Variants in TUBGCP2 observed in about 807,000 individuals in gnomAD.
The protein encoded by TUBGCP2 is tubulin gamma complex component 2, also known as gamma-tubulin complex component 2.
A neutral mutation model predicts 92.2 loss-of-function variants in TUBGCP2; 55 were observed. That is an observed-to-expected ratio of 0.60 (90% confidence interval 0.48 to 0.75). The LOEUF is 0.75. Ranked by LOEUF, TUBGCP2 falls within the 30% of genes least tolerant of loss-of-function variation. The pLI is 0.00. For synonymous variants in TUBGCP2, 533 were observed against 505.2 expected (o/e 1.06, Z -0.74); for missense variants, 1,093 against 1,188.9 (o/e 0.92, Z 1.19).
chr10:133,290,457 C>T (rs963483059), intron 8 of TUBGCP2: 2 of 150,190 alleles, frequency 1.3e-5, no homozygotes, highest in African/African-American at 4.9e-5. Flanking sequence ...CATGCCACTG[C>T]ACTCCAGCCT....
intron 4 of TUBGCP2, 50 bp downstream of exon 4, chr10:133,299,377 C>T (rs1847575115): frequency 1.3e-6 from 2 of 1,503,264 alleles, no homozygotes; most frequent in Non-Finnish European, 8.9e-7. Flanking sequence ...ACGCCACGGA[C>T]ACAGGACCTG....
upstream of TUBGCP2, chr10:133,309,408 C>T (rs1305894361): frequency 2.5e-6 from 4 of 1,612,194 alleles, no homozygotes; most frequent in South Asian, 1.1e-5. Flanking sequence ...CGTGCAGCGC[C>T]ACCTCTACCT....
upstream of TUBGCP2, chr10:133,309,227 C>T: frequency 1.0e-6 from 1 of 987,384 alleles, no homozygotes; most frequent in South Asian, 2.0e-5. Context: ...ACAGGCGGGA[C>T]CTGAGGTGGT....
chr10:133,293,540 A>G (rs769627840), intron 6 of TUBGCP2, 22 bp downstream of exon 6: 12 of 1,548,888 alleles, frequency 7.7e-6, no homozygotes. Context: ...GCAGGCTCCC[A>G]GGGACCGCGC....
At chr10:133,284,990 TCTACCAGGAGGGCA>T (rs1286882541) in intron 13 of TUBGCP2, 81 bp downstream of exon 13, 1 of 1,489,958 alleles carries the variant, frequency 6.7e-7, no homozygotes, top group African/African-American at 1.4e-5. Flanking sequence ...TAGAAAGCTG[TCTACCAGGAGGGCA>T]CAAGGGGGGC....
upstream of TUBGCP2, chr10:133,309,073 C>A: frequency 7.7e-7 from 1 of 1,301,468 alleles, no homozygotes; most frequent in Non-Finnish European, 9.8e-7. Flanking sequence ...CGTGCGCTTC[C>A]CGCGGGAGCA....
chr10:133,291,240 T>TCCGTGTCCCTCTGTGTCC (rs1847282004), intron 8 of TUBGCP2, among the ~76,000 whole-genome samples: 1 of 115,080 alleles, frequency 8.7e-6, no homozygotes, highest in South Asian at 2.4e-4. Context: ...GCACGCGCCC[T>TCCGTGTCCCTCTGTGTCC]CCGTGTCCCC....
At chr10:133,297,219 C>T (rs1320413213) in intron 5 of TUBGCP2, 20 of 308,036 alleles carry the variant, frequency 6.5e-5, no homozygotes, top group Non-Finnish European at 1.2e-4. Flanking sequence ...CTGGCCAACA[C>T]GGCAAAACCC....
intron 11 of TUBGCP2, among the ~76,000 whole-genome samples, chr10:133,287,673 G>A (rs1351914909): frequency 1.3e-5 from 2 of 151,796 alleles, no homozygotes; most frequent in African/African-American, 4.8e-5. Flanking sequence ...CCCAGGAGGT[G>A]GAGGCTGCAG....
Position 133,285,241 on chromosome 10 carries a change from T to C in TUBGCP2, c.1896-28A>G. ...GCAAGAGACGTGGCGGCACCTCAGG[T>C]GGGCCTCCGTGACCGGCGGCGTCGT... is the stretch of plus-strand genomic sequence containing the variant. On this transcript the variant is annotated intron_variant, in intron 12 of 17. Coordinates refer to ENST00000252936, the MANE Select transcript of TUBGCP2 (RefSeq NM_006659.4). The surrounding 1 kb of genome is among the most constrained non-coding windows in gnomAD (Gnocchi z 6.8). 6.2e-7 allele frequency: 1 copy of C among 1,609,758 alleles called. No homozygotes were observed. Among genetic ancestry groups the C allele is most frequent in the African/African-American group, 1.3e-5 (1 of 75,056 alleles).
Position 133,285,542 on chromosome 10 carries a change from G to C in TUBGCP2, c.1809C>G (p.Ala603=), listed in dbSNP as rs753257339. ...CGCTCAGCGCCAGCTCCGTGGGGTC[G>C]GCGTGCGCCATCGCCTTCTCCTGCT... ...ETKQEKAMAH[A]DPTELALSGL... Residue 603 remains alanine (A), a synonymous_variant, in exon 12 of 18, where the codon GCC becomes GCG. Coordinates refer to ENST00000252936, the MANE Select transcript of TUBGCP2 (RefSeq NM_006659.4). The surrounding 1 kb of genome is among the most constrained non-coding windows in gnomAD (Gnocchi z 6.8). 6.3e-7 allele frequency: 1 copy of C among 1,592,072 alleles called. No individual in the cohort carries two copies. Among genetic ancestry groups the C allele is most frequent in the Non-Finnish European group, 8.6e-7 (1 of 1,166,414 alleles).
intron 6 of TUBGCP2, 152 bp from the exon 7 acceptor site, chr10:133,293,390 A>G: frequency 8.3e-7 from 1 of 1,207,554 alleles, no homozygotes; most frequent in African/African-American, 1.5e-5. Flanking sequence ...GAGATGAGTC[A>G]GGACCCTGGA....
chr10:133,279,975 G>A (rs765684547), intron 17 of TUBGCP2, 74 bp from the exon 18 acceptor site: 62 of 1,553,790 alleles, frequency 4.0e-5, no homozygotes, highest in Non-Finnish European at 5.1e-5. Flanking sequence ...GGGTGTGGAA[G>A]GACGGTGCAG....
At position 133,284,004 on chromosome 10, in the gene TUBGCP2, T is replaced by C. The variant is rs1589822227; in HGVS notation, c.2025-2A>G. 6.2e-7 allele frequency: 1 copy of C among 1,613,100 alleles called. No individual in the cohort carries two copies. The highest frequency in any genetic ancestry group is 8.5e-7 in the Non-Finnish European group (1 of 1,179,616). ...CGCAGAGTGAAAGCCCCAGCAAACCTGAGTGACACGGAGGACGGAGGACAG... is the reference window on the plus strand; with the variant it reads ...CGCAGAGTGAAAGCCCCAGCAAACCCGAGTGACACGGAGGACGGAGGACAG... On this transcript the variant is annotated splice_acceptor_variant, in intron 13 of 17. Transcript: ENST00000252936. LOFTEE classifies it high-confidence loss of function.
At position 133,283,158 on chromosome 10, in the gene TUBGCP2, A is replaced by G. The variant is rs760203023; in HGVS notation, c.2209T>C (p.Cys737Arg). 1.2e-6 allele frequency: 2 copies of G among 1,614,240 alleles called. No individual in the cohort carries two copies. Among genetic ancestry groups the G allele is most frequent in the South Asian group, 2.2e-5 (2 of 91,088 alleles). Reference protein sequence around the residue: ...TGFLDTCLKDCMLTNPELLKV... With the variant: ...TGFLDTCLKDRMLTNPELLKV... ...AGCAGCTCGGGGTTGGTGAGCATGC[A>G]GTCCTTCAGGCAGGTGTCCAGGAAG... The change falls in exon 15 of 18, where the codon TGC (cysteine) becomes CGC (arginine). Residue 737 changes from cysteine (C) to arginine (R), a missense_variant. Transcript: ENST00000252936.
chr10:133,296,362 C>T (rs2136130600), intron 5 of TUBGCP2, among the ~76,000 whole-genome samples: 1 of 152,318 alleles, frequency 6.6e-6, no homozygotes, highest in Non-Finnish European at 1.5e-5. Context: ...CAGGTGCCCA[C>T]CACTCCCCGG....
At position 133,308,833 on chromosome 10, in the gene TUBGCP2, G is replaced by A. The variant is rs1295379468; in HGVS notation, c.-50C>T. The stretch of plus-strand genomic sequence containing the variant: ...TCGGCCAGGACTCACCGCAGTCCCG[G>A]AGCCACAGCCCCCGCGCAGCCCCCG... On this transcript the variant is annotated 5_prime_UTR_variant, in exon 1 of 18. Coordinates refer to ENST00000252936, the MANE Select transcript of TUBGCP2 (RefSeq NM_006659.4). The A allele has an allele frequency of 4.1e-6, 4 of 964,430 alleles. No individual in the cohort carries two copies. Among genetic ancestry groups the A allele is most frequent in the East Asian group, 3.8e-5 (1 of 26,156 alleles). The allele number at this position is 964,430 out of a possible 1,614,324, so 59.7% of individuals were successfully genotyped here. A position where few individuals can be genotyped will look rare whatever the true frequency, so the allele number is the denominator to read the frequency against.
chr10:133,280,384 T>G (rs1846936465), intron 17 of TUBGCP2, among the ~76,000 whole-genome samples: 1 of 152,094 alleles, frequency 6.6e-6, no homozygotes, highest in Admixed American at 6.5e-5. Flanking sequence ...AGAACATTTG[T>G]GGGGGGCACA....
chr10:133,281,101 T>C (rs3008329), intron 17 of TUBGCP2, among the ~76,000 whole-genome samples, 172 bp downstream of exon 17: 16,875 of 25,718 alleles, frequency 0.66, 6,648 homozygotes, highest in East Asian at 0.76. Context: ...CAGGGGCAGG[T>C]GCTGGGCTGA....
Sources: allele counts gnomAD v4.1 joint callset (sites outside exome capture counted in the v4.1 genomes callset), GRCh38; gene constraint gnomAD v4.1.1; non-coding constraint Gnocchi (gnomAD v3.1); transcripts MANE v1.5; gene names NCBI Gene and HGNC (gene_info 2026-07-23, HGNC 2026-07-21).